The following CRISPLD1 variants were observed in gnomAD, a reference collection of about 807,000 sequenced individuals.
The protein encoded by CRISPLD1 is cysteine rich secretory protein LCCL domain containing 1.
In CRISPLD1, 60 loss-of-function variants were observed where a neutral mutation model predicts 77.5. The observed-to-expected ratio is 0.77, with a 90% confidence interval of 0.63 to 0.96. The LOEUF is 0.96. CRISPLD1 is among the 40% of genes least tolerant of loss of function. CRISPLD1 has a pLI of 0.00. For synonymous variants in CRISPLD1, 195 were observed against 200.1 expected (o/e 0.97, Z 0.22); for missense variants, 623 against 615.8 (o/e 1.01, Z -0.12).
At chr8:74,995,188 A>G (rs1440059175) in intron 2 of CRISPLD1, among the ~76,000 whole-genome samples, 2 of 152,186 alleles carry the variant, frequency 1.3e-5, no homozygotes, top group Non-Finnish European at 2.9e-5. Flanking sequence ...GAGAAGGAAA[A>G]ACACAAAGAA....
At chr8:75,022,930 A>G (rs1173494845) in intron 12 of CRISPLD1, among the ~76,000 whole-genome samples, 1 of 152,154 alleles carries the variant, frequency 6.6e-6, no homozygotes. Context: ...TTAGTGTCTT[A>G]TAAAAATTAT....
chr8:74,986,288 T>G (rs1435038622), intron 2 of CRISPLD1, 43 bp downstream of exon 2: 1 of 1,562,096 alleles, frequency 6.4e-7, no homozygotes, highest in African/African-American at 1.4e-5. Context: ...GAAATGTTTA[T>G]TCATGCTTTC....
At chr8:75,011,411 T>G (rs1412496011) in intron 2 of CRISPLD1, among the ~76,000 whole-genome samples, 3 of 151,626 alleles carry the variant, frequency 2.0e-5, no homozygotes, top group African/African-American at 4.8e-5. Context: ...TCACTGTCAC[T>G]TGGGTTGTGT....
intron 9 of CRISPLD1, 60 bp downstream of exon 9, chr8:75,017,173 T>C (rs1813046947): frequency 6.5e-7 from 1 of 1,546,092 alleles, no homozygotes; most frequent in Admixed American, 1.7e-5. Flanking sequence ...ATTTGATTTT[T>C]ATTGTGCAAA....
chr8:75,016,749 A>G (rs781694545), intron 7 of CRISPLD1, 44 bp downstream of exon 7: 4 of 1,578,512 alleles, frequency 2.5e-6, no homozygotes, highest in African/African-American at 1.4e-5. Context: ...AAGTACATAA[A>G]TGGTATATCC....
chr8:75,001,750 G>A (rs1176733263), intron 2 of CRISPLD1, among the ~76,000 whole-genome samples: 1 of 152,100 alleles, frequency 6.6e-6, no homozygotes, highest in Non-Finnish European at 1.5e-5. Flanking sequence ...TTTAGGCTTG[G>A]TCAGATTTTC....
intron 5 of CRISPLD1, among the ~76,000 whole-genome samples, 190 bp from the exon 6 acceptor site, chr8:75,014,622 A>T (rs1812993711): frequency 6.6e-6 from 1 of 152,102 alleles, no homozygotes; most frequent in South Asian, 2.1e-4. Context: ...TACTTTGTAA[A>T]TTTTCAAAAT....
intron 2 of CRISPLD1, among the ~76,000 whole-genome samples, chr8:74,992,908 T>TG (rs1812594334): frequency 7.0e-6 from 1 of 143,196 alleles, no homozygotes. Flanking sequence ...AATTATGGTT[T>TG]TTTTTTTTTT....
Position 75,014,914 on chromosome 8 carries a change from T to C in CRISPLD1, c.727+2T>C, listed in dbSNP as rs372202553. On this transcript the variant is annotated splice_donor_variant, in intron 6 of 14. Coordinates refer to ENST00000262207, the MANE Select transcript of CRISPLD1 (RefSeq NM_031461.6). LOFTEE classifies it high-confidence loss of function. The stretch of plus-strand genomic sequence containing the variant: ...GTAGAGAAAATCTGTGCTACAAAGG[T>C]AAGTGCTATTGTGTTGTGGTATTCA... 1 of 1,557,122 alleles carries C rather than the reference T, an allele frequency of 6.4e-7. No homozygotes were observed. The highest frequency in any genetic ancestry group is 2.4e-5 in the East Asian group (1 of 41,558).
intron 13 of CRISPLD1, chr8:75,027,012 T>C (rs1813246176): frequency 1.3e-5 from 2 of 152,252 alleles, no homozygotes; most frequent in Admixed American, 6.5e-5. Context: ...ATTGCCACTT[T>C]CTCTGTGAGG....
chr8:74,992,685 A>C (rs1812589856), intron 2 of CRISPLD1, among the ~76,000 whole-genome samples: 2 of 152,066 alleles, frequency 1.3e-5, no homozygotes, highest in African/African-American at 2.4e-5. Flanking sequence ...CTCTGCCCTC[A>C]TGTATTGGAG....
intron 14 of CRISPLD1, among the ~76,000 whole-genome samples, chr8:75,031,469 CTAAA>C (rs1403928334): frequency 3.3e-5 from 5 of 151,742 alleles, no homozygotes; most frequent in Admixed American, 1.3e-4. Flanking sequence ...ATTTACGTTG[CTAAA>C]TAAATATAAA....
At chr8:75,021,265 CTG>C (rs1292088807) in intron 12 of CRISPLD1, among the ~76,000 whole-genome samples, 2 of 152,142 alleles carry the variant, frequency 1.3e-5, no homozygotes, top group African/African-American at 4.8e-5. Flanking sequence ...TAGCGGAAGA[CTG>C]TGATCTTCAT....
chr8:75,030,932 A>G (rs1206413758), intron 14 of CRISPLD1, among the ~76,000 whole-genome samples: 1 of 151,892 alleles, frequency 6.6e-6, no homozygotes, highest in Non-Finnish European at 1.5e-5. Context: ...ATATACATAT[A>G]TATATGTTAA....
In CRISPLD1 at chr8:75,014,011, A is replaced by G. The variant is rs1812982514; in HGVS notation, c.535A>G (p.Ile179Val). 2 of 1,613,070 alleles carry G rather than the reference A, an allele frequency of 1.2e-6. No individual in the cohort carries two copies. The highest frequency in any genetic ancestry group is 1.7e-5 in the Admixed American group (1 of 59,920). The change falls in exon 5 of 15, where the codon ATC becomes GTC. Residue 179 changes from isoleucine (I) to valine (V), a missense_variant. Transcript: ENST00000262207. ...GGTCGTGTGGGCAACTAGTAACAGAATCGGTTGTGCCATTAATTTGTGTCA... is the reference window on the plus strand; with the variant it reads ...GGTCGTGTGGGCAACTAGTAACAGAGTCGGTTGTGCCATTAATTTGTGTCA... ...TQVVWATSNRIGCAINLCHNM... is the reference protein window; with the variant it reads ...TQVVWATSNRVGCAINLCHNM...
At chr8:74,985,722 G>T (rs768763804) in intron 1 of CRISPLD1, among the ~76,000 whole-genome samples, 2 of 152,122 alleles carry the variant, frequency 1.3e-5, no homozygotes, top group African/African-American at 4.8e-5. Context: ...TGTCTAGTTT[G>T]TGGAAATTGC....
rs988268461 is a variant in CRISPLD1, at chr8:75,033,313, G to T, written c.*1071G>T. 7 of 152,228 alleles carry T rather than the reference G, an allele frequency of 4.6e-5. No homozygotes were observed. The highest frequency in any genetic ancestry group is 1.3e-4 in the Admixed American group (2 of 15,248). The allele number at this position is 152,228 out of a possible 1,614,324, so 9.4% of individuals were successfully genotyped here. Reference sequence around the variant, plus strand: ...ATCATGTTTCAAAGTTTTATTTTCAGTTCCTTTTGCATGCCTATTTTGATT... The same window carrying T: ...ATCATGTTTCAAAGTTTTATTTTCATTTCCTTTTGCATGCCTATTTTGATT... On this transcript the variant is annotated 3_prime_UTR_variant, in exon 15 of 15. Coordinates refer to ENST00000262207, the MANE Select transcript of CRISPLD1 (RefSeq NM_031461.6).
intron 14 of CRISPLD1, 55 bp downstream of exon 14, chr8:75,029,572 A>G: frequency 6.5e-7 from 1 of 1,542,838 alleles, no homozygotes; most frequent in East Asian, 2.2e-5. Flanking sequence ...CACTGTATTC[A>G]TGATTGCTTT....
At chr8:75,010,908 C>T (rs974710105) in intron 2 of CRISPLD1, among the ~76,000 whole-genome samples, 1 of 151,966 alleles carries the variant, frequency 6.6e-6, no homozygotes, top group African/African-American at 2.4e-5. Flanking sequence ...TCATGTAGTT[C>T]TGCTCTCTAC....
Sources: gnomAD v4.1 joint callset for allele counts (sites outside exome capture counted in the v4.1 genomes callset) on GRCh38, gnomAD v4.1.1 for gene constraint, MANE v1.5 for transcripts, NCBI Gene and HGNC (gene_info 2026-07-23, HGNC 2026-07-21) for gene names.